Variants in SLC9A9 observed in about 807,000 individuals in gnomAD.
The protein encoded by SLC9A9 is sodium/hydrogen exchanger 9.
SLC9A9 carries 62 observed loss-of-function variants against 77.8 expected under a neutral mutation model. The observed-to-expected ratio is 0.80, with a 90% CI of 0.65 to 0.98. SLC9A9 has a LOEUF of 0.98. SLC9A9 is among the 50% of genes least tolerant of loss of function. The pLI is 0.00. For missense variants in SLC9A9, 775 were observed against 774.9 expected (o/e 1.00, Z 0.00); for synonymous variants, 320 against 283.5 (o/e 1.13, Z -1.29).
intron 4 of SLC9A9, among the ~76,000 whole-genome samples, chr3:143,751,246 G>C (rs985682895): frequency 3.9e-5 from 6 of 152,168 alleles, no homozygotes; most frequent in African/African-American, 1.4e-4. Flanking sequence ...CCTTCTCTAA[G>C]TATCTCACCT....
chr3:143,711,437 G>A (rs1251227905), intron 4 of SLC9A9, among the ~76,000 whole-genome samples: 1 of 151,840 alleles, frequency 6.6e-6, no homozygotes, highest in Non-Finnish European at 1.5e-5. Context: ...TTAGAGACAG[G>A]GTCTCACTCT....
intron 9 of SLC9A9, among the ~76,000 whole-genome samples, chr3:143,549,366 T>C (rs1362936951): frequency 6.6e-6 from 1 of 152,102 alleles, no homozygotes; most frequent in Non-Finnish European, 1.5e-5. Flanking sequence ...TGTATAAATA[T>C]GTACATAGGC....
intron 4 of SLC9A9, among the ~76,000 whole-genome samples, chr3:143,789,275 T>C (rs2008148453): frequency 6.6e-6 from 1 of 152,176 alleles, no homozygotes. Flanking sequence ...CAAGGAGATA[T>C]GTAAAATTCT....
chr3:143,512,458 C>T (rs1219075676), intron 9 of SLC9A9, among the ~76,000 whole-genome samples: 4 of 152,114 alleles, frequency 2.6e-5, no homozygotes, highest in South Asian at 2.1e-4. Context: ...GGTTCCAGAC[C>T]ACTGCAATAA....
chr3:143,749,245 T>G (rs1935277420), intron 4 of SLC9A9, among the ~76,000 whole-genome samples: 1 of 152,236 alleles, frequency 6.6e-6, no homozygotes, highest in African/African-American at 2.4e-5. Context: ...CAAAAATAGC[T>G]ACAGTATCAT....
intron 9 of SLC9A9, among the ~76,000 whole-genome samples, chr3:143,527,253 C>T (rs185768784): frequency 7.9e-5 from 12 of 152,268 alleles, no homozygotes; most frequent in East Asian, 5.8e-4. Flanking sequence ...TCAAGCTTTA[C>T]GGTAAGATTC....
intron 2 of SLC9A9, among the ~76,000 whole-genome samples, chr3:143,802,279 G>A (rs184844849): frequency 5.9e-4 from 90 of 152,176 alleles, no homozygotes; most frequent in African/African-American, 1.4e-3. Flanking sequence ...CCGCTAGCCC[G>A]CCTCTTAGAA....
At chr3:143,344,944 A>G (rs1030385813) in intron 14 of SLC9A9, among the ~76,000 whole-genome samples, 7 of 152,212 alleles carry the variant, frequency 4.6e-5, no homozygotes, top group African/African-American at 1.4e-4. Flanking sequence ...TTTATCATGA[A>G]TGTAAACTCT....
chr3:143,328,724 T>A (rs191145312), intron 14 of SLC9A9, among the ~76,000 whole-genome samples: 87 of 152,338 alleles, frequency 5.7e-4, no homozygotes, highest in Admixed American at 1.4e-3. Flanking sequence ...TACCACAAGA[T>A]GTCTTTAGCT....
Position 143,265,839 on chromosome 3 carries a change from A to G in SLC9A9, c.*863T>C, listed in dbSNP as rs535666678. 1.5e-5 allele frequency: 9 copies of G among 591,794 alleles called. No individual in the cohort carries two copies. The highest frequency in any genetic ancestry group is 2.7e-5 in the Non-Finnish European group (9 of 331,862). 36.7% of individuals were successfully genotyped at this position (591,794 alleles called of 1,614,324 possible). ...TGGGGCTCCTGCACAGTCTGCTGCC[A>G]GGTAGAGAGCAACACAGGCTGCAGA... is the stretch of plus-strand genomic sequence containing the variant. On this transcript the variant is annotated 3_prime_UTR_variant, in exon 16 of 16. Transcript: ENST00000316549.
chr3:143,743,649 T>C (rs1576696553), intron 4 of SLC9A9, among the ~76,000 whole-genome samples: 2 of 152,166 alleles, frequency 1.3e-5, no homozygotes, highest in East Asian at 3.8e-4. Flanking sequence ...AGAGTGGCAG[T>C]CTTCCCCACT....
At chr3:143,532,612 A>G (rs1002164725) in intron 9 of SLC9A9, among the ~76,000 whole-genome samples, 1 of 152,128 alleles carries the variant, frequency 6.6e-6, no homozygotes, top group Admixed American at 6.5e-5. Context: ...TATAAAAAGG[A>G]AAAAAACCCT....
intron 5 of SLC9A9, among the ~76,000 whole-genome samples, chr3:143,656,318 G>A (rs1170166462): frequency 6.6e-6 from 1 of 151,962 alleles, no homozygotes; most frequent in African/African-American, 2.4e-5. Context: ...CTCTATTATA[G>A]CATCAAAACT....
At chr3:143,502,273 G>C (rs2108597469) in intron 9 of SLC9A9, among the ~76,000 whole-genome samples, 1 of 145,840 alleles carries the variant, frequency 6.9e-6, no homozygotes, top group East Asian at 1.9e-4. Flanking sequence ...AGGGGCAGGG[G>C]GGAAGCAAGT....
At chr3:143,623,761 G>A (rs546453858) in intron 6 of SLC9A9, among the ~76,000 whole-genome samples, 43 of 152,236 alleles carry the variant, frequency 2.8e-4, no homozygotes, top group African/African-American at 9.6e-4. Flanking sequence ...AAATAGCTAA[G>A]ATCAGAGCAG....
At chr3:143,694,235 A>G (rs779384785) in intron 4 of SLC9A9, among the ~76,000 whole-genome samples, 7 of 152,148 alleles carry the variant, frequency 4.6e-5, no homozygotes, top group Non-Finnish European at 7.4e-5. Context: ...AAAAATGTCA[A>G]TAAGAATGCA....
At chr3:143,829,591 T>C (rs2009384522) in intron 2 of SLC9A9, among the ~76,000 whole-genome samples, 1 of 152,234 alleles carries the variant, frequency 6.6e-6, no homozygotes. Context: ...GACTGAATTA[T>C]ATACAAGTAT....
intron 4 of SLC9A9, among the ~76,000 whole-genome samples, chr3:143,756,859 C>T (rs1008198480): frequency 2.0e-5 from 3 of 152,176 alleles, no homozygotes; most frequent in South Asian, 4.1e-4. Context: ...ACTGAAGTGA[C>T]AAATTAATCC....
chr3:143,392,978 T>TC (rs1559895773), intron 12 of SLC9A9, among the ~76,000 whole-genome samples: 1 of 152,092 alleles, frequency 6.6e-6, no homozygotes, highest in African/African-American at 2.4e-5. Flanking sequence ...AGACTTAGAC[T>TC]CCCACACAAT....
Sources: allele counts gnomAD v4.1 joint callset (sites outside exome capture counted in the v4.1 genomes callset), GRCh38; gene constraint gnomAD v4.1.1; transcripts MANE v1.5; gene names NCBI Gene and HGNC (gene_info 2026-07-23, HGNC 2026-07-21).